Variants in FBXO15 observed in about 807,000 individuals in gnomAD.
The protein encoded by FBXO15 is F-box only protein 15.
A neutral mutation model predicts 49.5 loss-of-function variants in FBXO15; 30 were observed. That is an observed-to-expected ratio of 0.61 (90% CI 0.45 to 0.82). FBXO15 has a LOEUF of 0.82. FBXO15 is among the 40% of genes least tolerant of loss of function. FBXO15 has a pLI of 0.00. For synonymous variants in FBXO15, 250 were observed against 232.7 expected (o/e 1.07, Z -0.68); for missense variants, 591 against 631.5 (o/e 0.94, Z 0.69).
chr18:74,140,259 G>T lies in FBXO15; in HGVS notation c.170C>A (p.Ala57Asp). 2 of 1,551,494 alleles carry T rather than the reference G, an allele frequency of 1.3e-6. No homozygotes were observed. Among genetic ancestry groups the T allele is most frequent in the Non-Finnish European group, 1.7e-6 (2 of 1,146,950 alleles). ...SAGSAALRCH[A>D]GGGQHWESSF... ...GCTCTCCCAGTGCTGTCCACCTCCG[G>T]CATGGCACCTCAGGGCAGCAGAGCC... Residue 57 changes from alanine to aspartate, a missense_variant, in exon 2 of 10, where the codon GCC becomes GAC. Transcript: ENST00000419743.
intron 8 of FBXO15, among the ~76,000 whole-genome samples, chr18:74,111,818 G>A (rs1238924814): frequency 6.6e-6 from 1 of 152,028 alleles, no homozygotes. Flanking sequence ...AAAAACAAGA[G>A]AATACAAATT....
At position 74,140,264 on chromosome 18, in the gene FBXO15, G is replaced by A. The variant is rs1238055273; in HGVS notation, c.165C>T (p.Cys55=). The A allele has an allele frequency of 6.4e-7, 1 of 1,551,434 alleles. No individual in the cohort carries two copies. Among genetic ancestry groups the A allele is most frequent in the East Asian group, 2.4e-5 (1 of 40,924 alleles). ...KLSAGSAALR[C]HAGGGQHWES... The stretch of plus-strand genomic sequence containing the variant: ...CCCAGTGCTGTCCACCTCCGGCATG[G>A]CACCTCAGGGCAGCAGAGCCTGCAG... The change falls in exon 2 of 10, where the codon TGC becomes TGT. Residue 55 remains cysteine, a synonymous_variant. Transcript: ENST00000419743.
intron 8 of FBXO15, among the ~76,000 whole-genome samples, chr18:74,087,023 TTA>T (rs1220593011): frequency 6.6e-6 from 1 of 152,216 alleles, no homozygotes. Context: ...CATATAAAAG[TTA>T]TGTTTATACT....
intron 8 of FBXO15, among the ~76,000 whole-genome samples, chr18:74,105,186 T>C (rs1913698094): frequency 6.6e-6 from 1 of 152,174 alleles, no homozygotes; most frequent in Non-Finnish European, 1.5e-5. Context: ...GAGAAGTTAA[T>C]GGGTACAAAT....
intron 3 of FBXO15, among the ~76,000 whole-genome samples, chr18:74,133,272 A>G (rs1039325850): frequency 1.3e-5 from 2 of 152,310 alleles, no homozygotes; most frequent in African/African-American, 4.8e-5. Flanking sequence ...CCAAACGGCA[A>G]CTTCCAAGAA....
Position 74,129,466 on chromosome 18 carries a change from A to T in FBXO15, c.724T>A (p.Leu242Ile). 1 of 1,613,998 alleles carries T rather than the reference A, an allele frequency of 6.2e-7. No homozygotes were observed. Among genetic ancestry groups the T allele is most frequent in the Non-Finnish European group, 8.5e-7 (1 of 1,179,938 alleles). Reference protein sequence around the residue: ...KWPCLASLSTLDLCGMTPVFT... With the variant: ...KWPCLASLSTIDLCGMTPVFT... The stretch of plus-strand genomic sequence containing the variant: ...ACTGGTGTCATGCCACATAAATCTA[A>T]GGTTGACAATGATGCTAGGCATGGC... The change falls in exon 5 of 10, where the codon TTA becomes ATA. Residue 242 changes from leucine (L) to isoleucine (I), a missense_variant. Coordinates refer to ENST00000419743, the MANE Select transcript of FBXO15 (RefSeq NM_001142958.2).
chr18:74,132,047 G>A (rs1002295892), intron 3 of FBXO15, among the ~76,000 whole-genome samples: 3 of 146,486 alleles, frequency 2.0e-5, no homozygotes, highest in African/African-American at 7.7e-5. Context: ...TCTCTTCCTA[G>A]TGTGGGTTTC....
At chr18:74,138,122 G>A (rs1226363926) in intron 2 of FBXO15, among the ~76,000 whole-genome samples, 4 of 151,908 alleles carry the variant, frequency 2.6e-5, no homozygotes, top group African/African-American at 9.7e-5. Context: ...TCTTCCTTTG[G>A]TTCTCCCCAC....
chr18:74,131,616 G>A (rs930049358), intron 3 of FBXO15, among the ~76,000 whole-genome samples: 2 of 152,196 alleles, frequency 1.3e-5, no homozygotes, highest in African/African-American at 4.8e-5. Flanking sequence ...CAGTGAGCTG[G>A]CCTGAGAGCT....
intron 8 of FBXO15, among the ~76,000 whole-genome samples, chr18:74,115,381 G>A (rs1028170008): frequency 6.6e-6 from 1 of 152,098 alleles, no homozygotes; most frequent in African/African-American, 2.4e-5. Flanking sequence ...GGGTTCTTCT[G>A]GTTTGTTTTT....
At chr18:74,142,319 C>T (rs992442490) in intron 1 of FBXO15, among the ~76,000 whole-genome samples, 9 of 152,204 alleles carry the variant, frequency 5.9e-5, no homozygotes, top group African/African-American at 1.7e-4. Flanking sequence ...TGTTTAAACA[C>T]AGATTTCCAC....
At chr18:74,120,950 C>T (rs545763211) in intron 8 of FBXO15, among the ~76,000 whole-genome samples, 1 of 151,928 alleles carries the variant, frequency 6.6e-6, no homozygotes, top group East Asian at 1.9e-4. Flanking sequence ...AAAAGAAATA[C>T]AGAAATACAT....
chr18:74,115,097 G>A (rs1687683358), intron 8 of FBXO15, among the ~76,000 whole-genome samples: 1 of 152,138 alleles, frequency 6.6e-6, no homozygotes. Flanking sequence ...AACATCCTCA[G>A]ATCTGAAAGG....
chr18:74,093,196 C>A (rs372439384), intron 8 of FBXO15, among the ~76,000 whole-genome samples: 15 of 137,728 alleles, frequency 1.1e-4, no homozygotes, highest in African/African-American at 3.7e-4. Context: ...GTGGAGTGCA[C>A]ATACACCCAC....
At chr18:74,076,803 T>C (rs1599128121) in intron 9 of FBXO15, among the ~76,000 whole-genome samples, 1 of 152,122 alleles carries the variant, frequency 6.6e-6, no homozygotes, top group Admixed American at 6.5e-5. Context: ...CATCCGCCCA[T>C]CCCACCTCAT....
intron 8 of FBXO15, among the ~76,000 whole-genome samples, chr18:74,109,722 CA>C (rs1016083977): frequency 6.6e-6 from 1 of 151,978 alleles, no homozygotes; most frequent in Non-Finnish European, 1.5e-5. Context: ...AACAAACTAT[CA>C]CAAGGACAGA....
At chr18:74,144,149 A>T (rs535076983) in intron 1 of FBXO15, among the ~76,000 whole-genome samples, 1 of 152,348 alleles carries the variant, frequency 6.6e-6, no homozygotes, top group East Asian at 1.9e-4. Context: ...ACTTTCAGTA[A>T]CAAAAACCAC....
intron 9 of FBXO15, among the ~76,000 whole-genome samples, chr18:74,079,403 C>T (rs1179832784): frequency 6.6e-5 from 10 of 152,134 alleles, no homozygotes; most frequent in Admixed American, 5.2e-4. Flanking sequence ...AGTACTAACA[C>T]GTGGCCACTG....
chr18:74,093,148 C>T (rs932140182), intron 8 of FBXO15, among the ~76,000 whole-genome samples: 2 of 148,178 alleles, frequency 1.3e-5, no homozygotes, highest in South Asian at 2.2e-4. Flanking sequence ...CAGCAACAGG[C>T]GGGTGGTGGG....
Sources: gnomAD v4.1 joint callset for allele counts (sites outside exome capture counted in the v4.1 genomes callset) on GRCh38, gnomAD v4.1.1 for gene constraint, MANE v1.5 for transcripts, NCBI Gene and HGNC (gene_info 2026-07-23, HGNC 2026-07-21) for gene names.